The following SIPA1L1 variants were observed in gnomAD, a reference collection of about 807,000 sequenced individuals.
The protein encoded by SIPA1L1 is signal induced proliferation associated 1 like 1.
In SIPA1L1, 26 loss-of-function variants were observed where a neutral mutation model predicts 162.7. That is an observed-to-expected ratio of 0.16 (90% CI 0.12 to 0.22). SIPA1L1 has a LOEUF of 0.22. Ranked by LOEUF, SIPA1L1 falls within the 10% of genes least tolerant of loss-of-function variation. The pLI is 1.00. For synonymous variants in SIPA1L1, 829 were observed against 837.4 expected, an observed-to-expected ratio of 0.99 and a Z score of 0.17; for missense variants, 1,874 against 2,241.0, an observed-to-expected ratio of 0.84 and a Z score of 3.31.
intron 2 of SIPA1L1, among the ~76,000 whole-genome samples, chr14:71,341,864 C>G (rs978310314): frequency 5.9e-5 from 9 of 152,088 alleles, no homozygotes; most frequent in African/African-American, 2.2e-4. Flanking sequence ...GCATAGTGTT[C>G]TGTGGTGTAT....
chr14:71,702,310 C>T, intron 14 of SIPA1L1, 71 bp from the exon 15 acceptor site: 2 of 1,551,646 alleles, frequency 1.3e-6, no homozygotes, highest in Non-Finnish European at 8.8e-7. Flanking sequence ...TAGTTCATTA[C>T]ACCCAGGACT....
chr14:71,723,958 A>G (rs1173163846), intron 18 of SIPA1L1, 72 bp downstream of exon 18: 4 of 1,580,646 alleles, frequency 2.5e-6, no homozygotes, highest in Admixed American at 3.5e-5. Flanking sequence ...GCTTGGCGTG[A>G]TCTCTTACAA....
intron 2 of SIPA1L1, among the ~76,000 whole-genome samples, chr14:71,419,045 C>CGAA (rs2042990760): frequency 6.6e-6 from 1 of 152,122 alleles, no homozygotes. Flanking sequence ...GCAGCCCTTC[C>CGAA]GCCTGATATC....
intron 2 of SIPA1L1, among the ~76,000 whole-genome samples, chr14:71,390,629 A>G (rs1379953801): frequency 6.6e-6 from 1 of 152,066 alleles, no homozygotes; most frequent in Non-Finnish European, 1.5e-5. Context: ...AAAAGAAGAA[A>G]AAAAAATTAG....
chr14:71,657,758 C>T (rs1014810963), intron 8 of SIPA1L1, among the ~76,000 whole-genome samples: 4 of 151,114 alleles, frequency 2.6e-5, no homozygotes, highest in Non-Finnish European at 5.9e-5. Context: ...GATGTGTCGA[C>T]AGAATTCAGG....
chr14:71,510,963 C>T (rs1298299932), intron 2 of SIPA1L1, among the ~76,000 whole-genome samples: 1 of 152,052 alleles, frequency 6.6e-6, no homozygotes, highest in African/African-American at 2.4e-5. Context: ...CCTGTCTTTC[C>T]CTGAAATGTT....
intron 4 of SIPA1L1, among the ~76,000 whole-genome samples, chr14:71,562,392 C>T (rs1434733721): frequency 1.3e-5 from 2 of 151,962 alleles, no homozygotes; most frequent in African/African-American, 4.8e-5. Flanking sequence ...TTATTAAATG[C>T]TTACTTTGTG....
At chr14:71,621,464 GC>G (rs1283471695) in intron 6 of SIPA1L1, among the ~76,000 whole-genome samples, 3 of 152,114 alleles carry the variant, frequency 2.0e-5, no homozygotes, top group Non-Finnish European at 4.4e-5. Flanking sequence ...GGGCTCAGAT[GC>G]CCGTCATTCC....
intron 23 of SIPA1L1, 105 bp from the exon 24 acceptor site, chr14:71,738,913 T>C: frequency 2.2e-6 from 3 of 1,348,982 alleles, no homozygotes; most frequent in Non-Finnish European, 2.0e-6. Flanking sequence ...GAACGAAGAA[T>C]AGAAATGGAC....
chr14:71,671,619 A>C lies in SIPA1L1; in HGVS notation c.2756A>C (p.Glu919Ala). Residue 919 changes from glutamate (E) to alanine (A), a missense_variant, in exon 11 of 24, where the codon GAA becomes GCA. Glu to Ala is a moderately radical substitution (Grantham distance 107). Transcript: ENST00000381232. ...GACACCAGCCTCAAAATCTTCTATG[A>C]ACGAGGAGAATGTGTTTCAGTGGGT... ...STDTSLKIFY[E>A]RGECVSVGSF... is the part of the protein sequence containing the mutation. The C allele has an allele frequency of 6.2e-7, 1 of 1,614,178 alleles. No individual in the cohort carries two copies. Among genetic ancestry groups the C allele is most frequent in the Non-Finnish European group, 8.5e-7 (1 of 1,180,012 alleles).
intron 13 of SIPA1L1, among the ~76,000 whole-genome samples, chr14:71,692,503 C>G (rs1298391600): frequency 6.6e-6 from 1 of 152,212 alleles, no homozygotes; most frequent in East Asian, 1.9e-4. Flanking sequence ...CTGTTTTCCA[C>G]TCCTTGCAGG....
rs79840455 is a variant in SIPA1L1, at chr14:71,354,592, TA to T, written c.-465+33425del. On this transcript the variant is annotated intron_variant, in intron 2 of 23. Coordinates refer to ENST00000381232, the MANE Select transcript of SIPA1L1 (RefSeq NM_001386936.1). ...GCGCCTGGCCCGATACTTCATTTCT[TA>T]AAAAAAAAAAAAAGACTGTGTGTGC... is the stretch of plus-strand genomic sequence containing the variant. Among the ~76,000 whole-genome samples the T allele has an allele frequency of 9.6e-3, 1,348 of 140,684 alleles. 19 individuals carry two copies. The highest frequency in any genetic ancestry group is 0.056 in the Admixed American group (790 of 14,152). The allele number at this position is 140,684 out of a possible 152,430, so 92.3% of individuals were successfully genotyped here.
At chr14:71,519,682 A>T (rs1595878755) in intron 3 of SIPA1L1, among the ~76,000 whole-genome samples, 2 of 152,162 alleles carry the variant, frequency 1.3e-5, no homozygotes, top group Admixed American at 1.3e-4. Flanking sequence ...TAAAAAAAAA[A>T]ATAGCCAGAC....
Position 71,707,271 on chromosome 14 carries a change from A to G in SIPA1L1, c.3765+1931A>G, listed in dbSNP as rs543277665. Among the ~76,000 whole-genome samples, 11 of 152,316 alleles carry G rather than the reference A, an allele frequency of 7.2e-5. No individual in the cohort carries two copies. In the East Asian group the frequency reaches 1.5e-3, roughly 21 times the overall value. On this transcript the variant is annotated intron_variant, in intron 16 of 23. Coordinates refer to ENST00000381232, the MANE Select transcript of SIPA1L1 (RefSeq NM_001386936.1). ...TTTAAATTCTTATTTGGGAAACTCTATAAAATGTTCTTTCTAAGCATCTAA... is the reference window on the plus strand; with the variant it reads ...TTTAAATTCTTATTTGGGAAACTCTGTAAAATGTTCTTTCTAAGCATCTAA...
chr14:71,490,751 A>G (rs558701650), intron 2 of SIPA1L1, among the ~76,000 whole-genome samples: 17 of 152,338 alleles, frequency 1.1e-4, no homozygotes, highest in Non-Finnish European at 2.2e-4. Flanking sequence ...TCTTTGTTGT[A>G]TACCCATTTG....
intron 7 of SIPA1L1, among the ~76,000 whole-genome samples, chr14:71,634,057 A>C (rs2040862761): frequency 7.5e-6 from 1 of 133,462 alleles, no homozygotes; most frequent in African/African-American, 2.6e-5. Context: ...CACTAAATAC[A>C]AAAAAAAAAA....
chr14:71,592,973 G>C (rs1198087847), intron 5 of SIPA1L1, among the ~76,000 whole-genome samples: 2 of 152,106 alleles, frequency 1.3e-5, no homozygotes, highest in African/African-American at 4.8e-5. Context: ...AGGATTAAAT[G>C]ACAGTAATAA....
intron 10 of SIPA1L1, among the ~76,000 whole-genome samples, chr14:71,663,106 AT>A (rs1038221048): frequency 3.9e-5 from 6 of 152,198 alleles, no homozygotes; most frequent in African/African-American, 1.4e-4. Context: ...TTAATTTTAC[AT>A]TTTTTAATAG....
intron 7 of SIPA1L1, among the ~76,000 whole-genome samples, chr14:71,647,801 G>A (rs1368836529): frequency 6.6e-6 from 1 of 152,168 alleles, no homozygotes; most frequent in Non-Finnish European, 1.5e-5. Context: ...ACCTGTGGGA[G>A]CGTTCCCTTC....
Sources: allele counts gnomAD v4.1 joint callset (sites outside exome capture counted in the v4.1 genomes callset), GRCh38; gene constraint gnomAD v4.1.1; transcripts MANE v1.5; gene names NCBI Gene and HGNC (gene_info 2026-07-23, HGNC 2026-07-21).